VRTN: variants seen among roughly 807,000 people sequenced by gnomAD.
The protein encoded by VRTN is vertebrae development associated.
A neutral mutation model predicts 18.2 loss-of-function variants in VRTN; 5 were observed. The observed-to-expected ratio is 0.27, with a 90% CI of 0.14 to 0.58. VRTN has a LOEUF of 0.58. Among genes scored for constraint, VRTN ranks in the 20% least tolerant of loss-of-function variants. The pLI is 0.91. For missense variants in VRTN, 741 were observed against 939.4 expected (o/e 0.79, Z 2.76); for synonymous variants, 381 against 393.7 (o/e 0.97, Z 0.38).
intron 1 of VRTN, among the ~76,000 whole-genome samples, chr14:74,331,568 A>T (rs866627007): frequency 9.9e-6 from 1 of 100,822 alleles, no homozygotes; most frequent in East Asian, 2.6e-4. Flanking sequence ...ATATATATAT[A>T]TATATATATA....
At chr14:74,335,482 G>A (rs948349628) in intron 1 of VRTN, among the ~76,000 whole-genome samples, 1 of 151,728 alleles carries the variant, frequency 6.6e-6, no homozygotes, top group African/African-American at 2.4e-5. Context: ...TATTAATTGA[G>A]CATTTTGTGT....
chr14:74,321,237 G>A (rs1263212952), intron 1 of VRTN, among the ~76,000 whole-genome samples: 1 of 152,204 alleles, frequency 6.6e-6, no homozygotes, highest in African/African-American at 2.4e-5. Context: ...GTGTAGAAAA[G>A]AGAGGAAAAT....
chr14:74,319,214 A>G (rs2085437331), intron 1 of VRTN, among the ~76,000 whole-genome samples: 1 of 151,680 alleles, frequency 6.6e-6, no homozygotes, highest in Admixed American at 6.6e-5. Context: ...TTGTATTTTC[A>G]GTAGAGATGG....
chr14:74,352,584 T>A (rs1408005209), intron 1 of VRTN, among the ~76,000 whole-genome samples: 1 of 152,204 alleles, frequency 6.6e-6, no homozygotes, highest in Non-Finnish European at 1.5e-5. Context: ...GACAGTCTCC[T>A]CTGTTGCTCA....
At chr14:74,356,438 C>A (rs2085727855) in intron 1 of VRTN, among the ~76,000 whole-genome samples, 1 of 152,212 alleles carries the variant, frequency 6.6e-6, no homozygotes, top group Non-Finnish European at 1.5e-5. Context: ...TCTGCCTTGG[C>A]CTCCCAAAGT....
At chr14:74,344,402 T>C (rs866970494), upstream of VRTN, among the ~76,000 whole-genome samples, 25 of 92,232 alleles carry the variant, frequency 2.7e-4, no homozygotes, top group African/African-American at 1.0e-3. Flanking sequence ...AGAGCAAGAC[T>C]GTCTCAAAAA....
chr14:74,322,806 G>A (rs1258023306), intron 1 of VRTN, among the ~76,000 whole-genome samples: 1 of 152,164 alleles, frequency 6.6e-6, no homozygotes, highest in Non-Finnish European at 1.5e-5. Context: ...TATCTGTCAG[G>A]AGTTTTATGG....
Position 74,358,034 on chromosome 14 carries a change from A to G in VRTN, c.1251A>G (p.Thr417=), listed in dbSNP as rs769053978. Reference sequence around the variant, plus strand: ...TGGAGCATTGCATCTCCCTGAACACACTGGTACCCTATCGCTGCTTCAAAC... The same window carrying G: ...TGGAGCATTGCATCTCCCTGAACACGCTGGTACCCTATCGCTGCTTCAAAC... ...LYLEHCISLN[T]LVPYRCFKRR... Residue 417 remains threonine (T), a synonymous_variant, in exon 2 of 2, where the codon ACA becomes ACG. Coordinates refer to ENST00000256362, the MANE Select transcript of VRTN (RefSeq NM_018228.3). This position sits in a 1 kb window ranked among gnomAD's most constrained non-coding sequence, Gnocchi z 5.4. 12 of 1,614,052 alleles carry G rather than the reference A, an allele frequency of 7.4e-6. No individual in the cohort carries two copies. The East Asian group carries it at 2.5e-4, about 33-fold the overall frequency.
rs77859459 is a variant in VRTN at position 74,316,077 on chromosome 14, C to T, written c.-164+12901C>T. On this transcript the variant is annotated intron_variant, in intron 1 of 2. Coordinates refer to the VRTN transcript ENST00000557177. ...GGCTGTCTGCTTACGGCACTCCCAG[C>T]AGCTGGGGCAACAAGTCCTGCCTTG... 2.2e-3 allele frequency among the ~76,000 whole-genome samples: 333 copies of T among 152,322 alleles called. 2 individuals are homozygous for T. Among genetic ancestry groups the T allele is most frequent in the African/African-American group, 7.6e-3 (314 of 41,580 alleles).
Position 74,331,972 on chromosome 14 carries a change from A to G in VRTN, c.-163-5751A>G, listed in dbSNP as rs76237102. On this transcript the variant is annotated intron_variant, in intron 1 of 2. Transcript: ENST00000557177. ...AGGCTCACCCTACATATGCGTCCAA[A>G]GGAAGGGAGCATGTGGCTGAAGTTA... Among the ~76,000 whole-genome samples, 441 of 152,200 alleles carry G rather than the reference A, an allele frequency of 2.9e-3. 2 individuals carry two copies. The highest frequency in any genetic ancestry group is 1.0e-2 in the African/African-American group (415 of 41,532).
Position 74,357,199 on chromosome 14 carries a change from C to G in VRTN, c.416C>G (p.Ser139Cys). The G allele has an allele frequency of 1.2e-6, 2 of 1,610,456 alleles. No individual in the cohort carries two copies. The highest frequency in any genetic ancestry group is 1.7e-6 in the Non-Finnish European group (2 of 1,179,152). Residue 139 changes from serine to cysteine, a missense_variant, in exon 2 of 2, where the codon TCT becomes TGT. Ser to Cys is a moderately radical substitution (Grantham distance 112). Transcript: ENST00000256362. The surrounding 1 kb of genome is among the most constrained non-coding windows in gnomAD (Gnocchi z 7.8). ...MLQAVRYSLC[S>C]EESPEMTSLP... ...CAGGCCGTGCGCTACTCCCTATGCT[C>G]TGAGGAGTCCCCTGAGATGACCAGC...
At chr14:74,311,132 C>T (rs1020467493) in intron 1 of VRTN, among the ~76,000 whole-genome samples, 5 of 152,120 alleles carry the variant, frequency 3.3e-5, no homozygotes, top group African/African-American at 1.2e-4. Context: ...TAATATTAAA[C>T]ATTGAACAAT....
Position 74,357,811 on chromosome 14 carries a change from C to G in VRTN, c.1028C>G (p.Ser343Cys), listed in dbSNP as rs1352681808. Residue 343 changes from serine to cysteine, a missense_variant, in exon 2 of 2, where the codon TCC (serine) becomes TGC (cysteine). This residue lies in a region of VRTN where 494 missense variants were observed against 546.5 expected (regional missense o/e 0.90). Coordinates refer to ENST00000256362, the MANE Select transcript of VRTN (RefSeq NM_018228.3). This position sits in a 1 kb window ranked among gnomAD's most constrained non-coding sequence, Gnocchi z 7.8. ...QQFLQRFPEISRSTYYAWKHE... is the reference protein window; with the variant it reads ...QQFLQRFPEICRSTYYAWKHE... ...TTCCTCCAGCGGTTCCCGGAGATCT[C>G]CCGCTCAACCTACTATGCCTGGAAG... 1 of 1,613,292 alleles carries G rather than the reference C, an allele frequency of 6.2e-7. No homozygotes were observed. The highest frequency in any genetic ancestry group is 8.5e-7 in the Non-Finnish European group (1 of 1,180,026).
chr14:74,350,236 T>A (rs111444091), intron 1 of VRTN, among the ~76,000 whole-genome samples: 11 of 151,980 alleles, frequency 7.2e-5, no homozygotes, highest in Admixed American at 2.0e-4. Flanking sequence ...CATCTGTGGG[T>A]TGGGAGTGAG....
At chr14:74,304,616 C>T (rs186396589) in intron 1 of VRTN, among the ~76,000 whole-genome samples, 1 of 152,242 alleles carries the variant, frequency 6.6e-6, no homozygotes, top group African/African-American at 2.4e-5. Context: ...GCACTAGATG[C>T]CGGTGGCATT....
chr14:74,315,027 G>A (rs763722329), intron 1 of VRTN, among the ~76,000 whole-genome samples: 1 of 152,168 alleles, frequency 6.6e-6, no homozygotes, highest in African/African-American at 2.4e-5. Context: ...AAGGGTTCTA[G>A]TTTCTATGGC....
intron 1 of VRTN, among the ~76,000 whole-genome samples, chr14:74,355,839 T>C (rs912324181): frequency 6.6e-6 from 1 of 151,804 alleles, no homozygotes; most frequent in African/African-American, 2.4e-5. Context: ...CTCTCTTTTT[T>C]TTTTTTTCTG....
Position 74,332,335 on chromosome 14 carries a change from GTTTTTTTTTTTTTTTTTTTTTTTTTT to G in VRTN, c.-163-5372_-163-5347del, listed in dbSNP as rs67857502. On this transcript the variant is annotated intron_variant, in intron 1 of 2. Coordinates refer to the VRTN transcript ENST00000557177. ...CCTCCGGAGGATCGACTCCTAATCT[GTTTTTTTTTTTTTTTTTTTTTTTTTT>G]TTTTTTTTTTTTTTTAGATGGAGTT... Among the ~76,000 whole-genome samples, 211 of 39,588 alleles carry G rather than the reference GTTTTTTTTTTTTTTTTTTTTTTTTTT, an allele frequency of 5.3e-3. 1 individual carries two copies. Among genetic ancestry groups the G allele is most frequent in the Non-Finnish European group, 5.3e-3 (106 of 20,018 alleles). The allele number at this position is 39,588 out of a possible 152,430, so 26.0% of individuals were successfully genotyped here.
At position 74,358,627 on chromosome 14, in the gene VRTN, C is replaced by T. The variant is rs572643627; in HGVS notation, c.1844C>T (p.Ala615Val). The stretch of plus-strand genomic sequence containing the variant: ...GGGGCCCTGCAGGAGGGGGCCACAG[C>T]CCAGGGCCAGCCCCACAGTGGGCCC... ...REGALQEGAT[A>V]QGQPHSGPLL... The change falls in exon 2 of 2, where the codon GCC (alanine) becomes GTC (valine). Residue 615 changes from alanine (A) to valine (V), a missense_variant. Physicochemically the swap from Ala to Val is moderately conservative, Grantham distance 64 (BLOSUM62 0). This residue lies in a region of VRTN where 494 missense variants were observed against 546.5 expected (regional missense o/e 0.90). Transcript: ENST00000256362. The surrounding 1 kb of genome is among the most constrained non-coding windows in gnomAD (Gnocchi z 5.4). 1.2e-6 allele frequency: 2 copies of T among 1,606,146 alleles called. No individual in the cohort carries two copies. The highest frequency in any genetic ancestry group is 1.7e-6 in the Non-Finnish European group (2 of 1,175,958).
Sources: allele counts gnomAD v4.1 joint callset (sites outside exome capture counted in the v4.1 genomes callset), GRCh38; gene constraint gnomAD v4.1.1; regional missense constraint gnomAD v4.1.1; non-coding constraint Gnocchi (gnomAD v3.1); transcripts MANE v1.5; gene names NCBI Gene and HGNC (gene_info 2026-07-23, HGNC 2026-07-21).